The following GMDS variants were observed in gnomAD, a reference collection of about 807,000 sequenced individuals.
The protein encoded by GMDS is GDP-mannose 4,6 dehydratase.
In GMDS, 20 loss-of-function variants were observed where a neutral mutation model predicts 49.9. That is an observed-to-expected ratio of 0.40 (90% CI 0.28 to 0.58). The LOEUF (loss-of-function observed/expected upper bound fraction) is 0.58. GMDS is among the 20% of genes least tolerant of loss of function. GMDS has a pLI of 0.42. For missense variants in GMDS, 362 were observed against 481.4 expected, an observed-to-expected ratio of 0.75 and a Z score of 2.32; for synonymous variants, 177 against 178.6, an observed-to-expected ratio of 0.99 and a Z score of 0.07.
intron 4 of GMDS, among the ~76,000 whole-genome samples, chr6:2,100,254 A>G (rs969402484): frequency 1.9e-4 from 29 of 152,226 alleles, no homozygotes; most frequent in Admixed American, 1.9e-3. Flanking sequence ...ACAGAATTAC[A>G]ATTAAAATTG....
chr6:1,857,994 G>A (rs1435391948), intron 7 of GMDS, among the ~76,000 whole-genome samples: 1 of 152,148 alleles, frequency 6.6e-6, no homozygotes, highest in Non-Finnish European at 1.5e-5. Context: ...TTAGAGGAAA[G>A]CGCATATATT....
chr6:2,053,104 A>G (rs1182122462), intron 4 of GMDS, among the ~76,000 whole-genome samples: 4 of 152,334 alleles, frequency 2.6e-5, no homozygotes, highest in East Asian at 3.9e-4. Context: ...TATAATCTAC[A>G]CAAGAAAATA....
chr6:1,636,468 C>G (rs1035737237), intron 9 of GMDS, among the ~76,000 whole-genome samples: 5 of 152,220 alleles, frequency 3.3e-5, no homozygotes, highest in African/African-American at 9.6e-5. Flanking sequence ...GTTACTTTCA[C>G]TTCATTTAAC....
At chr6:2,202,872 G>A (rs1443758145) in intron 1 of GMDS, among the ~76,000 whole-genome samples, 1 of 152,156 alleles carries the variant, frequency 6.6e-6, no homozygotes, top group African/African-American at 2.4e-5. Flanking sequence ...TGTGAGCTTG[G>A]TCCTAAAGAA....
chr6:1,796,879 T>G (rs1408600530), intron 7 of GMDS, among the ~76,000 whole-genome samples: 1 of 152,196 alleles, frequency 6.6e-6, no homozygotes, highest in Non-Finnish European at 1.5e-5. Context: ...TCCCTTACAG[T>G]AAGTCAGTAA....
chr6:2,098,473 G>GAATT (rs1197998719), intron 4 of GMDS, among the ~76,000 whole-genome samples: 1 of 152,126 alleles, frequency 6.6e-6, no homozygotes, highest in Non-Finnish European at 1.5e-5. Context: ...ACCAATCTAA[G>GAATT]AATTTGTACG....
At chr6:2,130,695 C>G (rs1279256344) in intron 1 of GMDS, among the ~76,000 whole-genome samples, 3 of 152,108 alleles carry the variant, frequency 2.0e-5, no homozygotes, top group East Asian at 1.9e-4. Context: ...TTCTCTCCCC[C>G]AAAACACACT....
intron 7 of GMDS, among the ~76,000 whole-genome samples, chr6:1,838,343 T>A (rs1366118446): frequency 6.6e-6 from 1 of 152,258 alleles, no homozygotes; most frequent in Non-Finnish European, 1.5e-5. Flanking sequence ...AAATCATGTT[T>A]GCTATGTAGT....
intron 4 of GMDS, among the ~76,000 whole-genome samples, chr6:2,085,580 A>C (rs927480920): frequency 1.3e-5 from 2 of 152,008 alleles, no homozygotes; most frequent in African/African-American, 4.8e-5. Context: ...TCCAGGCTGG[A>C]GTGCAGTGTC....
intron 7 of GMDS, among the ~76,000 whole-genome samples, chr6:1,780,673 C>T (rs1458297896): frequency 2.0e-5 from 3 of 152,220 alleles, no homozygotes; most frequent in African/African-American, 7.2e-5. Flanking sequence ...CGTCTCCTGC[C>T]CAGGTGCCGG....
intron 4 of GMDS, among the ~76,000 whole-genome samples, chr6:2,011,838 C>T (rs945451708): frequency 9.9e-5 from 15 of 152,158 alleles, no homozygotes; most frequent in Non-Finnish European, 2.9e-5. Flanking sequence ...TGGGAAAACC[C>T]CTGAGCCTAG....
intron 4 of GMDS, among the ~76,000 whole-genome samples, chr6:1,976,602 T>A (rs1365557774): frequency 1.3e-5 from 2 of 152,192 alleles, no homozygotes; most frequent in Non-Finnish European, 2.9e-5. Context: ...AACAATGATG[T>A]AACAAACCTG....
chr6:2,089,686 G>T (rs537576503), intron 4 of GMDS, among the ~76,000 whole-genome samples: 1 of 152,276 alleles, frequency 6.6e-6, no homozygotes, highest in Admixed American at 6.5e-5. Flanking sequence ...CCTCCAGAGA[G>T]AAATTCTGTT....
chr6:1,862,082 G>C (rs1025680415), intron 7 of GMDS, among the ~76,000 whole-genome samples: 2 of 152,096 alleles, frequency 1.3e-5, no homozygotes, highest in Non-Finnish European at 2.9e-5. Flanking sequence ...TTAAATCTTT[G>C]AGTACTTAAC....
chr6:1,999,813 C>T (rs1347295051), intron 4 of GMDS, among the ~76,000 whole-genome samples: 2 of 141,814 alleles, frequency 1.4e-5, no homozygotes, highest in Non-Finnish European at 3.0e-5. Context: ...ATAGTTAACA[C>T]TGACATTCTT....
intron 1 of GMDS, among the ~76,000 whole-genome samples, chr6:2,244,397 T>C (rs1781761912): frequency 6.6e-6 from 1 of 152,034 alleles, no homozygotes; most frequent in South Asian, 2.1e-4. Context: ...CATTATCACC[T>C]TTATCTCAGT....
At chr6:1,646,842 T>A (rs1763500204) in intron 9 of GMDS, among the ~76,000 whole-genome samples, 1 of 152,168 alleles carries the variant, frequency 6.6e-6, no homozygotes, top group South Asian at 2.1e-4. Flanking sequence ...TGAAGAGGAA[T>A]TCATTGAATG....
chr6:1,729,858 T>C (rs1766728299), intron 8 of GMDS, among the ~76,000 whole-genome samples: 1 of 152,142 alleles, frequency 6.6e-6, no homozygotes. Context: ...AATAACAGAA[T>C]CAAGGACAAT....
intron 7 of GMDS, among the ~76,000 whole-genome samples, chr6:1,867,244 T>C (rs1460395166): frequency 1.3e-5 from 2 of 152,212 alleles, no homozygotes; most frequent in South Asian, 2.1e-4. Context: ...GACATGCTAA[T>C]AGGGTCAACT....
Sources: allele counts gnomAD v4.1 joint callset (sites outside exome capture counted in the v4.1 genomes callset), GRCh38; gene constraint gnomAD v4.1.1; transcripts MANE v1.5; gene names NCBI Gene and HGNC (gene_info 2026-07-23, HGNC 2026-07-21).